The following NCAM1 variants were observed in gnomAD, a reference collection of about 807,000 sequenced individuals.
The protein encoded by NCAM1 is antigen recognized by monoclonal antibody 5.1H11.
A neutral mutation model predicts 109.8 loss-of-function variants in NCAM1; 14 were observed. The ratio of observed to expected loss-of-function variants is 0.13; its 90% CI spans 0.08 to 0.20. The LOEUF is 0.20. Among genes scored for constraint, NCAM1 ranks in the 10% least tolerant of loss-of-function variants. NCAM1 has a pLI of 1.00. For synonymous variants in NCAM1, 418 were observed against 442.9 expected (o/e 0.94, Z 0.70); for missense variants, 774 against 1,109.9 (o/e 0.70, Z 4.30).
At chr11:113,229,264 G>A (rs1200499514) in intron 9 of NCAM1, among the ~76,000 whole-genome samples, 4 of 152,150 alleles carry the variant, frequency 2.6e-5, no homozygotes, top group African/African-American at 9.7e-5. Flanking sequence ...CCATCAAAAA[G>A]TGGGCAAAGG....
chr11:112,961,610 A>G lies in NCAM1; in HGVS notation c.-3A>G. On this transcript the variant is annotated 5_prime_UTR_variant, in exon 1 of 20. Coordinates refer to ENST00000316851, the MANE Select transcript of NCAM1 (RefSeq NM_181351.5). Reference sequence around the variant, plus strand: ...GAACATCCCTCCCAGCCAGCAGATTACAATGCTGCAAACTAAGGATCTCAT... The same window carrying G: ...GAACATCCCTCCCAGCCAGCAGATTGCAATGCTGCAAACTAAGGATCTCAT... The G allele has an allele frequency of 1.3e-6, 2 of 1,482,192 alleles. No individual in the cohort carries two copies. Among genetic ancestry groups the G allele is most frequent in the East Asian group, 2.3e-5 (1 of 44,104 alleles). 91.8% of individuals were successfully genotyped at this position (1,482,192 alleles called of 1,614,324 possible).
intron 1 of NCAM1, 166 bp from the exon 2 acceptor site, chr11:113,202,213 C>A: frequency 1.4e-6 from 1 of 709,344 alleles, no homozygotes; most frequent in Non-Finnish European, 2.3e-6. Flanking sequence ...AGTTCTCAAA[C>A]TCCACACAAC....
rs575772150 is a variant in NCAM1, at chr11:113,226,722, C to T, written c.1090-4923C>T. ...AAATGTAAAAGAACAGAAATGATAA[C>T]AAACTGTCTCTCAGACCACAGTGCG... On this transcript the variant is annotated intron_variant, in intron 9 of 19. Coordinates refer to ENST00000316851, the MANE Select transcript of NCAM1 (RefSeq NM_181351.5). 3.3e-5 allele frequency among the ~76,000 whole-genome samples: 5 copies of T among 152,304 alleles called. No individual in the cohort carries two copies. The East Asian group carries it at 9.7e-4, about 29-fold the overall frequency.
chr11:113,237,929 GATATATAGATATATAT>G (rs1565521377), intron 14 of NCAM1, among the ~76,000 whole-genome samples: 1 of 18,426 alleles, frequency 5.4e-5, no homozygotes, highest in African/African-American at 1.1e-4. Flanking sequence ...TATAGATATA[GATATATAGATATATAT>G]ATAGATATAT....
At chr11:112,978,308 T>A (rs1399946021) in intron 1 of NCAM1, among the ~76,000 whole-genome samples, 2 of 151,958 alleles carry the variant, frequency 1.3e-5, no homozygotes, top group Middle Eastern at 3.4e-3. Context: ...AAGCAAATTG[T>A]ATTTAAGTGT....
chr11:113,143,897 G>A (rs1270733816), intron 1 of NCAM1, among the ~76,000 whole-genome samples: 1 of 152,210 alleles, frequency 6.6e-6, no homozygotes, highest in Non-Finnish European at 1.5e-5. Flanking sequence ...GAAGATCCAG[G>A]AAAGAGCTGT....
chr11:113,210,428 T>C (rs930513589), intron 7 of NCAM1, among the ~76,000 whole-genome samples: 1 of 152,156 alleles, frequency 6.6e-6, no homozygotes, highest in East Asian at 1.9e-4. Flanking sequence ...CAATGATGGT[T>C]GTTAATTCCA....
At chr11:113,164,892 G>A (rs1026320992) in intron 1 of NCAM1, among the ~76,000 whole-genome samples, 1 of 152,072 alleles carries the variant, frequency 6.6e-6, no homozygotes, top group African/African-American at 2.4e-5. Flanking sequence ...TTCTAATCAT[G>A]ATTTGGTCTT....
chr11:113,128,212 G>C (rs117679715), intron 1 of NCAM1, among the ~76,000 whole-genome samples: 19 of 152,252 alleles, frequency 1.2e-4, no homozygotes, highest in African/African-American at 3.1e-4. Flanking sequence ...TCACTGCTCG[G>C]GCCTTGCGTG....
chr11:112,969,782 G>C (rs1555066431), intron 1 of NCAM1, among the ~76,000 whole-genome samples: 1 of 152,198 alleles, frequency 6.6e-6, no homozygotes, highest in Admixed American at 6.5e-5. Flanking sequence ...TAGAGGCTTA[G>C]AGGAAAAACA....
chr11:113,025,764 A>T (rs1952521151), intron 1 of NCAM1, among the ~76,000 whole-genome samples: 1 of 142,378 alleles, frequency 7.0e-6, no homozygotes. Context: ...TGAGATTGGA[A>T]CGACACAGGG....
At chr11:113,198,241 A>G (rs755614944) in intron 1 of NCAM1, among the ~76,000 whole-genome samples, 3 of 152,210 alleles carry the variant, frequency 2.0e-5, no homozygotes, top group Non-Finnish European at 2.9e-5. Flanking sequence ...CCCTATCATT[A>G]TCATCACTTA....
intron 1 of NCAM1, among the ~76,000 whole-genome samples, chr11:113,036,350 C>T (rs1205095995): frequency 6.6e-6 from 1 of 152,104 alleles, no homozygotes; most frequent in Admixed American, 6.5e-5. Flanking sequence ...CTCCAGCACT[C>T]CACCACCCTG....
intron 1 of NCAM1, among the ~76,000 whole-genome samples, chr11:113,052,655 A>C (rs1391862960): frequency 6.6e-6 from 1 of 152,214 alleles, no homozygotes; most frequent in Non-Finnish European, 1.5e-5. Context: ...AAGTGTAAAA[A>C]AAATTTTGTG....
chr11:113,248,716 C>T (rs539144510), intron 15 of NCAM1, among the ~76,000 whole-genome samples: 2 of 152,204 alleles, frequency 1.3e-5, no homozygotes, highest in African/African-American at 2.4e-5. Context: ...AGTGGGACAG[C>T]GTTTACAGAA....
rs941864090 is a variant in NCAM1, at chr11:112,963,048, G to A, written c.52+1384G>A. ...CGCGGGCGGCACAAGAGCAGCGCTC[G>A]GCCGCCGCCTCCAGCCAACTCGGGT... is the stretch of plus-strand genomic sequence containing the variant. On this transcript the variant is annotated intron_variant, in intron 1 of 19. Transcript: ENST00000316851. The surrounding 1 kb of genome is among the most constrained non-coding windows in gnomAD (Gnocchi z 4.6). Among the ~76,000 whole-genome samples the A allele has an allele frequency of 9.2e-5, 14 of 152,104 alleles. No individual in the cohort carries two copies. Among genetic ancestry groups the A allele is most frequent in the African/African-American group, 3.1e-4 (13 of 41,442 alleles).
chr11:113,046,704 G>A (rs1953278789), intron 1 of NCAM1, among the ~76,000 whole-genome samples: 1 of 151,300 alleles, frequency 6.6e-6, no homozygotes, highest in Non-Finnish European at 1.5e-5. Flanking sequence ...AAAGACAGAT[G>A]AACAGGAAGA....
chr11:113,236,235 T>C (rs1945163129), intron 14 of NCAM1: 2 of 1,530,650 alleles, frequency 1.3e-6, no homozygotes, highest in Non-Finnish European at 1.8e-6. Flanking sequence ...TACATCTTAT[T>C]TTTTTTTTCT....
intron 1 of NCAM1, among the ~76,000 whole-genome samples, chr11:113,162,870 A>C (rs1347727191): frequency 6.6e-6 from 1 of 152,152 alleles, no homozygotes; most frequent in African/African-American, 2.4e-5. Flanking sequence ...TTCCGCATGG[A>C]AATTCGAAAT....
Sources: gnomAD v4.1 joint callset for allele counts (sites outside exome capture counted in the v4.1 genomes callset) on GRCh38, gnomAD v4.1.1 for gene constraint, Gnocchi (gnomAD v3.1) non-coding constraint, MANE v1.5 for transcripts, NCBI Gene and HGNC (gene_info 2026-07-23, HGNC 2026-07-21) for gene names.